HEPH: variants seen among roughly 807,000 people sequenced by gnomAD.
HEPH encodes the protein hephaestin.
A neutral mutation model predicts 80.8 loss-of-function variants in HEPH; 69 were observed. The ratio of observed to expected loss-of-function variants is 0.85; its 90% CI spans 0.70 to 1.04. HEPH has a LOEUF of 1.04. Ranked by LOEUF, HEPH falls within the 50% of genes least tolerant of loss-of-function variation. The probability of loss-of-function intolerance (pLI) is 0.00; values close to 1 mark genes in which losing one functional copy is unlikely to be tolerated. For synonymous variants in HEPH, 431 were observed against 322.8 expected, an observed-to-expected ratio of 1.34 and a Z score of -3.60; for missense variants, 1,115 against 891.3, an observed-to-expected ratio of 1.25 and a Z score of -3.20.
chrX:66,256,099 C>T lies in HEPH; in HGVS notation c.2671-6C>T. 1 of 1,193,812 alleles carries T rather than the reference C, an allele frequency of 8.4e-7. No homozygotes were observed. The highest frequency in any genetic ancestry group is 1.1e-6 in the Non-Finnish European group (1 of 881,885). On this transcript the variant is annotated splice_polypyrimidine_tract_variant and splice_region_variant and intron_variant, in intron 16 of 20. Coordinates refer to ENST00000343002, the MANE Select transcript of HEPH (RefSeq NM_001367233.3). The stretch of plus-strand genomic sequence containing the variant: ...TTCTCTCTCTCCCACTTCCTCCCTT[C>T]CTCAGGACATGTATAGTGGCCTGGT...
chrX:66,226,854 T>C (rs188962867), intron 15 of HEPH, among the ~76,000 whole-genome samples: 24 of 111,167 alleles, frequency 2.2e-4, no homozygotes, highest in Admixed American at 5.7e-4. Context: ...CTATCAGACA[T>C]GCAAAGAAGA....
intron 11 of HEPH, among the ~76,000 whole-genome samples, chrX:66,200,241 GGTGTGTGT>G (rs57136656): frequency 3.4e-4 from 31 of 91,229 alleles, no homozygotes; most frequent in Non-Finnish European, 5.5e-4. Context: ...AGGAGAGATT[GGTGTGTGT>G]GTGTGTGTGT....
chrX:66,209,628 T>C (rs1415971523), intron 15 of HEPH, among the ~76,000 whole-genome samples: 1 of 112,160 alleles, frequency 8.9e-6, no homozygotes, highest in Non-Finnish European at 1.9e-5. Context: ...AAAAGATCAA[T>C]GAGGTAAAAT....
rs974155188 is a variant in HEPH at position 66,164,432 on chromosome X, G to A, written c.-52G>A. 8.0e-6 allele frequency: 6 copies of A among 751,621 alleles called. No individual in the cohort carries two copies. The highest frequency in any genetic ancestry group is 2.3e-5 in the African/African-American group (1 of 43,197). The allele number at this position is 751,621 out of a possible 1,213,427, so 61.9% of individuals were successfully genotyped here. ...GGGGTCTGCAGTGCAGCATTAATGG[G>A]CCGCTGACATGAATATGGAGTAGTT... is the stretch of plus-strand genomic sequence containing the variant. On this transcript the variant is annotated 5_prime_UTR_variant, in exon 1 of 21. Coordinates refer to ENST00000343002, the MANE Select transcript of HEPH (RefSeq NM_001367233.3).
intron 20 of HEPH, among the ~76,000 whole-genome samples, chrX:66,265,345 A>G (rs1015477426): frequency 9.0e-6 from 1 of 110,993 alleles, no homozygotes; most frequent in Non-Finnish European, 1.9e-5. Context: ...TGTGCTGTAC[A>G]AAAAGGGCAA....
intron 10 of HEPH, among the ~76,000 whole-genome samples, chrX:66,198,300 G>T (rs1196173586): frequency 1.8e-5 from 2 of 110,244 alleles, no homozygotes; most frequent in Non-Finnish European, 3.8e-5. Flanking sequence ...ATTTCTAGCT[G>T]TGTAACATTG....
At position 66,198,998 on chromosome X, in the gene HEPH, G is replaced by A; in HGVS notation, c.1834G>A (p.Glu612Lys). ...LDFRLLSEDI[E>K]GFQDSNRMHA... ...TTTCCGACTGCTTTCAGAGGATATT[G>A]AGGGCTTCCAAGACTCCAATCGGAT... is the stretch of plus-strand genomic sequence containing the variant. The change falls in exon 11 of 21, where the codon GAG (glutamate) becomes AAG (lysine). Residue 612 changes from glutamate to lysine, a missense_variant. By Grantham distance (56) the Glu-to-Lys change is moderately conservative. Around this residue, in one of 3 missense-constraint regions of HEPH, gnomAD observed 716 missense variants for 523.5 expected, o/e 1.37. Transcript: ENST00000343002. 1 of 1,211,619 alleles carries A rather than the reference G, an allele frequency of 8.3e-7. No homozygotes were observed. Among genetic ancestry groups the A allele is most frequent in the Non-Finnish European group, 1.1e-6 (1 of 895,296 alleles).
At chrX:66,195,437 C>A (rs1170772383) in intron 9 of HEPH, among the ~76,000 whole-genome samples, 1 of 110,419 alleles carries the variant, frequency 9.1e-6, no homozygotes, top group Non-Finnish European at 1.9e-5. Context: ...TAAATATATC[C>A]TAATTTTAAA....
At chrX:66,203,171 C>T (rs984901981) in intron 12 of HEPH, among the ~76,000 whole-genome samples, 193 bp from the exon 13 acceptor site, 1 of 109,634 alleles carries the variant, frequency 9.1e-6, no homozygotes, top group Non-Finnish European at 1.9e-5. Context: ...AGCCGGAGCT[C>T]TTAACCTTTG....
At chrX:66,215,334 C>A (rs1478108374) in intron 15 of HEPH, among the ~76,000 whole-genome samples, 2 of 110,290 alleles carry the variant, frequency 1.8e-5, no homozygotes, top group East Asian at 5.6e-4. Flanking sequence ...TTTGTTGATT[C>A]CAGAAATATT....
chrX:66,187,106 C>T (rs2087498069), intron 4 of HEPH, among the ~76,000 whole-genome samples: 1 of 92,083 alleles, frequency 1.1e-5, no homozygotes, highest in African/African-American at 4.2e-5. Context: ...GCTATGCTAT[C>T]TATTTCCTTG....
intron 15 of HEPH, among the ~76,000 whole-genome samples, chrX:66,238,849 T>G (rs1447464105): frequency 1.8e-5 from 2 of 112,218 alleles, no homozygotes; most frequent in Non-Finnish European, 3.8e-5. Context: ...AGATATTAGA[T>G]TAACTAAAAG....
chrX:66,221,903 G>C (rs895929472), intron 15 of HEPH, among the ~76,000 whole-genome samples: 33 of 112,370 alleles, frequency 2.9e-4, no homozygotes, highest in East Asian at 2.0e-3. Context: ...AAATGGATGT[G>C]AGAGTCAAAA....
chrX:66,225,229 T>C (rs1421502693), intron 15 of HEPH, among the ~76,000 whole-genome samples: 2 of 111,662 alleles, frequency 1.8e-5, no homozygotes, highest in East Asian at 5.6e-4. Context: ...CTCCCTTAAA[T>C]CCTTTCTTGA....
Position 66,206,339 on chromosome X carries a change from CTTTTTTTTTTTTTTTTT to C in HEPH, c.2292-829_2292-813del, listed in dbSNP as rs760184190. The stretch of plus-strand genomic sequence containing the variant: ...GATGGCAAACAAGGAAACCTGCCAT[CTTTTTTTTTTTTTTTTT>C]TTTTTTTTTTTTTTTTTTTTTTTTT... On this transcript the variant is annotated intron_variant, in intron 13 of 20. Coordinates refer to ENST00000343002, the MANE Select transcript of HEPH (RefSeq NM_001367233.3). 6.0e-3 allele frequency among the ~76,000 whole-genome samples: 84 copies of C among 14,070 alleles called. 1 individual carries two copies. The highest frequency in any genetic ancestry group is 0.016 in the East Asian group (6 of 365). 12.2% of individuals were successfully genotyped at this position (14,070 alleles called of 115,157 possible).
At chrX:66,217,382 C>T (rs774695102) in intron 15 of HEPH, among the ~76,000 whole-genome samples, 2 of 111,772 alleles carry the variant, frequency 1.8e-5, no homozygotes, top group East Asian at 2.8e-4. Context: ...CTATCATCAG[C>T]CTCCTCAAAC....
At chrX:66,169,599 C>T (rs909194223) in intron 1 of HEPH, among the ~76,000 whole-genome samples, 2 of 112,359 alleles carry the variant, frequency 1.8e-5, no homozygotes, top group Non-Finnish European at 3.8e-5. Context: ...GACAACATTT[C>T]TTCTGAGAAG....
intron 4 of HEPH, 102 bp downstream of exon 4, chrX:66,173,903 G>T (rs1216953073): frequency 2.1e-6 from 1 of 485,230 alleles, no homozygotes; most frequent in African/African-American, 2.4e-5. Flanking sequence ...CCTGAGGAGT[G>T]CTAATTCAGC....
chrX:66,243,501 A>T (rs2090688159), intron 15 of HEPH, among the ~76,000 whole-genome samples: 1 of 112,592 alleles, frequency 8.9e-6, no homozygotes, highest in Non-Finnish European at 1.9e-5. Flanking sequence ...TGCTTTCTTC[A>T]GTTTTCCATT....
Sources: gnomAD v4.1 joint callset for allele counts (sites outside exome capture counted in the v4.1 genomes callset) on GRCh38, gnomAD v4.1.1 for gene constraint, gnomAD v4.1.1 regional missense constraint, MANE v1.5 for transcripts, NCBI Gene and HGNC (gene_info 2026-07-23, HGNC 2026-07-21) for gene names.